The following RASGRP4 variants were observed in gnomAD, a reference collection of about 807,000 sequenced individuals.
The protein encoded by RASGRP4 is RAS guanyl-releasing protein 4.
In RASGRP4, 52 loss-of-function variants were observed where a neutral mutation model predicts 84.4. That is an observed-to-expected ratio of 0.62 (90% confidence interval 0.49 to 0.78). The LOEUF is 0.78. Among genes scored for constraint, RASGRP4 ranks in the 30% least tolerant of loss-of-function variants. The pLI is 0.00. For synonymous variants in RASGRP4, 356 were observed against 359.1 expected (o/e 0.99, Z 0.10); for missense variants, 760 against 886.9 (o/e 0.86, Z 1.82).
At chr19:38,411,526 G>T in intron 13 of RASGRP4, 145 bp from the exon 14 acceptor site, 1 of 838,122 alleles carries the variant, frequency 1.2e-6, no homozygotes, top group Non-Finnish European at 1.8e-6. Context: ...AAAGGAATGT[G>T]GGTGGGGTAC....
intron 1 of RASGRP4, among the ~76,000 whole-genome samples, chr19:38,422,484 G>A (rs1439645265): frequency 6.6e-6 from 1 of 152,122 alleles, no homozygotes; most frequent in African/African-American, 2.4e-5. Context: ...GGAACCAGCG[G>A]GCAAGCAAGC....
At chr19:38,416,597 G>A (rs1023940636) in intron 8 of RASGRP4, among the ~76,000 whole-genome samples, 3 of 152,036 alleles carry the variant, frequency 2.0e-5, no homozygotes, top group Admixed American at 6.6e-5. Context: ...ACAAGTGTGA[G>A]CCACACTGTA....
chr19:38,424,626 G>T (rs920332882), intron 1 of RASGRP4, among the ~76,000 whole-genome samples: 18 of 136,780 alleles, frequency 1.3e-4, no homozygotes, highest in East Asian at 2.6e-4. Flanking sequence ...TGGGGGGGGG[G>T]GTCTCACTAT....
rs770501965 is a variant in RASGRP4, at chr19:38,411,330, T to C, written c.1717+15A>G. On this transcript the variant is annotated intron_variant, in intron 14 of 16. Coordinates refer to ENST00000615439, the MANE Select transcript of RASGRP4 (RefSeq NM_170604.3). The stretch of plus-strand genomic sequence containing the variant: ...GGGCCAAGGCTTCCCTCCCACTCAC[T>C]GACACCCCACTCACCCCGACAGCGG... 6.2e-7 allele frequency: 1 copy of C among 1,607,412 alleles called. No individual in the cohort carries two copies. Among genetic ancestry groups the C allele is most frequent in the Non-Finnish European group, 8.5e-7 (1 of 1,176,862 alleles).
Position 38,420,894 on chromosome 19 carries a change from C to T in RASGRP4, c.377+14G>A, listed in dbSNP as rs777409071. 9.9e-6 allele frequency: 16 copies of T among 1,612,686 alleles called. No individual in the cohort carries two copies. The highest frequency in any genetic ancestry group is 5.5e-5 in the South Asian group (5 of 91,034). On this transcript the variant is annotated intron_variant, in intron 4 of 16. Transcript: ENST00000615439. The stretch of plus-strand genomic sequence containing the variant: ...TCGTGGGTCCTGAGAGTGGGGATCT[C>T]GGCCCAGCCCTACCTGACCAGGTGA...
Position 38,413,304 on chromosome 19 carries a change from C to T in RASGRP4, c.1312-7G>A, listed in dbSNP as rs375169228. The T allele has an allele frequency of 6.5e-5, 105 of 1,611,500 alleles. No homozygotes were observed. The highest frequency in any genetic ancestry group is 6.4e-4 in the African/African-American group (48 of 74,686). On this transcript the variant is annotated splice_polypyrimidine_tract_variant and splice_region_variant and intron_variant, in intron 10 of 16. Transcript: ENST00000615439. The surrounding 1 kb of genome is among the most constrained non-coding windows in gnomAD (Gnocchi z 4.7). ...CATTGAAGGGGGAGGGTGGCTGGGG[C>T]GGGGACAGAGGAGCACAGTTAGTCA...
chr19:38,413,526 A>C lies in RASGRP4; in HGVS notation c.1231-52T>G. On this transcript the variant is annotated intron_variant, in intron 9 of 16. Coordinates refer to ENST00000615439, the MANE Select transcript of RASGRP4 (RefSeq NM_170604.3). This position sits in a 1 kb window ranked among gnomAD's most constrained non-coding sequence, Gnocchi z 4.7. ...CCTCCCATCTATAGCCCTGCCCCAG[A>C]CCCCCACACCCACTCGCAGGCTCTT... is the stretch of plus-strand genomic sequence containing the variant. 7.0e-7 allele frequency: 1 copy of C among 1,436,186 alleles called. No individual in the cohort carries two copies. The highest frequency in any genetic ancestry group is 9.6e-7 in the Non-Finnish European group (1 of 1,041,740). 89.0% of individuals were successfully genotyped at this position (1,436,186 alleles called of 1,614,324 possible).
Position 38,426,116 on chromosome 19 carries a change from C to CGG in RASGRP4, c.-27_-26dup. 7.6e-7 allele frequency: 1 copy of CGG among 1,320,678 alleles called. No individual in the cohort carries two copies. Among genetic ancestry groups the CGG allele is most frequent in the Non-Finnish European group, 9.7e-7 (1 of 1,026,122 alleles). The allele number at this position is 1,320,678 out of a possible 1,614,324, so 81.8% of individuals were successfully genotyped here. On this transcript the variant is annotated 5_prime_UTR_variant, in exon 1 of 17. Coordinates refer to ENST00000615439, the MANE Select transcript of RASGRP4 (RefSeq NM_170604.3). ...TGCTTCCCGCGTGGGGTGAGGAGGC[C>CGG]GGGGGTCTTGCAAGAGTAGGGCTCA...
Position 38,426,122 on chromosome 19 carries a change from TC to T in RASGRP4, c.-32del, listed in dbSNP as rs1971985215. 1.5e-6 allele frequency: 2 copies of T among 1,316,844 alleles called. No homozygotes were observed. Among genetic ancestry groups the T allele is most frequent in the African/African-American group, 3.0e-5 (2 of 66,172 alleles). 81.6% of individuals were successfully genotyped at this position (1,316,844 alleles called of 1,614,324 possible). A position where few individuals can be genotyped will look rare whatever the true frequency, so the allele number is the denominator to read the frequency against. ...CCGCGTGGGGTGAGGAGGCCGGGGG[TC>T]TTGCAAGAGTAGGGCTCAGCTCCTC... is the stretch of plus-strand genomic sequence containing the variant. On this transcript the variant is annotated 5_prime_UTR_variant, in exon 1 of 17. Coordinates refer to ENST00000615439, the MANE Select transcript of RASGRP4 (RefSeq NM_170604.3).
intron 1 of RASGRP4, among the ~76,000 whole-genome samples, chr19:38,423,594 TG>T (rs1971855135): frequency 1.3e-5 from 2 of 151,830 alleles, no homozygotes; most frequent in Admixed American, 1.3e-4. Context: ...CCCAGCACTT[TG>T]GGAGGCTGAG....
intron 1 of RASGRP4, among the ~76,000 whole-genome samples, chr19:38,423,822 G>A (rs1046515990): frequency 3.9e-5 from 6 of 151,992 alleles, no homozygotes; most frequent in African/African-American, 1.4e-4. Flanking sequence ...GGGCAACAGA[G>A]CGAGTCTTAG....
Position 38,426,182 on chromosome 19 carries a change from G to A in RASGRP4, c.-91C>T. 1.9e-6 allele frequency: 2 copies of A among 1,059,482 alleles called. No individual in the cohort carries two copies. The highest frequency in any genetic ancestry group is 1.6e-5 in the African/African-American group (1 of 60,756). The allele number at this position is 1,059,482 out of a possible 1,614,324, so 65.6% of individuals were successfully genotyped here. A position where few individuals can be genotyped will look rare whatever the true frequency, so the allele number is the denominator to read the frequency against. The stretch of plus-strand genomic sequence containing the variant: ...CAGGACTCCAGCTTCTCAGCCCCTA[G>A]GGAGCTGGGGCCTCCTCGGTGCTTG... On this transcript the variant is annotated 5_prime_UTR_variant, in exon 1 of 17. Coordinates refer to ENST00000615439, the MANE Select transcript of RASGRP4 (RefSeq NM_170604.3).
intron 1 of RASGRP4, 67 bp downstream of exon 1, chr19:38,426,001 TC>T: frequency 2.4e-6 from 3 of 1,275,806 alleles, no homozygotes; most frequent in Admixed American, 3.9e-5. Context: ...GCGAGTGATC[TC>T]CCCAGCCCTC....
In RASGRP4 at chr19:38,421,321, C is replaced by T. The variant is rs1224245475; in HGVS notation, c.209-121G>A. The T allele has an allele frequency of 8.4e-6, 6 of 716,548 alleles. 1 individual carries two copies. The highest frequency in any genetic ancestry group is 3.3e-5 in the South Asian group (2 of 59,826). The allele number at this position is 716,548 out of a possible 1,614,324, so 44.4% of individuals were successfully genotyped here. A position where few individuals can be genotyped will look rare whatever the true frequency, so the allele number is the denominator to read the frequency against. On this transcript the variant is annotated intron_variant, in intron 2 of 16. Transcript: ENST00000615439. ...GCTCTAACGGTGATCCCCAGCATGA[C>T]CTTGGACAGGCAACCTAACCTCCTG...
intron 1 of RASGRP4, among the ~76,000 whole-genome samples, chr19:38,423,634 C>G (rs1164068583): frequency 6.6e-6 from 1 of 151,666 alleles, no homozygotes; most frequent in Non-Finnish European, 1.5e-5. Flanking sequence ...GTCAGGAGTT[C>G]GAGACCAGCC....
Position 38,426,022 on chromosome 19 carries a change from G to A in RASGRP4, c.23+47C>T, listed in dbSNP as rs768175989. The A allele has an allele frequency of 1.3e-5, 17 of 1,349,782 alleles. No individual in the cohort carries two copies. In the South Asian group the frequency reaches 3.4e-4, roughly 27 times the overall value. 83.6% of individuals were successfully genotyped at this position (1,349,782 alleles called of 1,614,324 possible). On this transcript the variant is annotated intron_variant, in intron 1 of 16. Transcript: ENST00000615439. The stretch of plus-strand genomic sequence containing the variant: ...GATCTCCCCAGCCCTCCCATGCAGA[G>A]GGAGGCCTCAGGGTGCTGCCGGGCT...
At chr19:38,415,460 C>A (rs979798301) in intron 8 of RASGRP4, among the ~76,000 whole-genome samples, 1 of 150,658 alleles carries the variant, frequency 6.6e-6, no homozygotes, top group Non-Finnish European at 1.5e-5. Context: ...GCCACCTCCA[C>A]CTCCTGGGTT....
Position 38,422,004 on chromosome 19 carries a change from T to A in RASGRP4, c.173A>T (p.Glu58Val), listed in dbSNP as rs1429433468. 5 of 1,613,048 alleles carry A rather than the reference T, an allele frequency of 3.1e-6. No individual in the cohort carries two copies. In the South Asian group the frequency reaches 5.5e-5, roughly 18 times the overall value. Residue 58 changes from glutamate to valine, a missense_variant, in exon 2 of 17, where the codon GAA becomes GTA. Coordinates refer to ENST00000615439, the MANE Select transcript of RASGRP4 (RefSeq NM_170604.3). ...GATGCATTTCTCCAGCAGCTCATCT[T>A]CGCTGCAGCCGCCCTCACTCAGCAG... is the stretch of plus-strand genomic sequence containing the variant. ...LGLLSEGGCS[E>V]DELLEKCIQS...
intron 2 of RASGRP4, among the ~76,000 whole-genome samples, 185 bp downstream of exon 2, chr19:38,421,784 A>G (rs1600576102): frequency 6.7e-6 from 1 of 149,552 alleles, no homozygotes; most frequent in Middle Eastern, 3.6e-3. Flanking sequence ...ATATATATAT[A>G]TAAATGTATA....
Sources: gnomAD v4.1 joint callset for allele counts (sites outside exome capture counted in the v4.1 genomes callset) on GRCh38, gnomAD v4.1.1 for gene constraint, Gnocchi (gnomAD v3.1) non-coding constraint, MANE v1.5 for transcripts, NCBI Gene and HGNC (gene_info 2026-07-23, HGNC 2026-07-21) for gene names.